Variants in MB21D2 observed in about 807,000 individuals in gnomAD.
The protein encoded by MB21D2 is nucleotidyltransferase MB21D2.
MB21D2 carries 9 observed loss-of-function variants against 33.3 expected under a neutral mutation model. The ratio of observed to expected loss-of-function variants is 0.27; its 90% CI spans 0.16 to 0.47. The LOEUF (loss-of-function observed/expected upper bound fraction) is 0.47, where lower values mean the gene tolerates loss of function less well. MB21D2 is among the 20% of genes least tolerant of loss of function. MB21D2 has a pLI of 0.99. For missense variants in MB21D2, 540 were observed against 624.6 expected, an observed-to-expected ratio of 0.86 and a Z score of 1.44; for synonymous variants, 241 against 236.3, an observed-to-expected ratio of 1.02 and a Z score of -0.18.
intron 1 of MB21D2, among the ~76,000 whole-genome samples, chr3:192,861,650 C>T (rs1043994062): frequency 2.6e-5 from 4 of 151,954 alleles, no homozygotes; most frequent in East Asian, 3.9e-4. Context: ...CTACTAAATA[C>T]GAAATTAGCC....
chr3:192,863,486 G>T (rs78697735), intron 1 of MB21D2, among the ~76,000 whole-genome samples: 1 of 152,306 alleles, frequency 6.6e-6, no homozygotes, highest in African/African-American at 2.4e-5. Flanking sequence ...AGCACATGGT[G>T]TAAGTTTAGT....
intron 1 of MB21D2, among the ~76,000 whole-genome samples, chr3:192,884,610 G>T (rs542213328): frequency 1.3e-5 from 2 of 151,958 alleles, no homozygotes; most frequent in Non-Finnish European, 1.5e-5. Context: ...CTCGTGATCT[G>T]CCCGCCTTGG....
At chr3:192,869,363 AAAGGAAGAAGGG>A (rs1404187862) in intron 1 of MB21D2, among the ~76,000 whole-genome samples, 1 of 151,362 alleles carries the variant, frequency 6.6e-6, no homozygotes, top group East Asian at 1.9e-4. Context: ...GGAAGGGAGG[AAAGGAAGAAGGG>A]AAGGAGAAGT....
At chr3:192,860,513 A>C (rs1283047969) in intron 1 of MB21D2, among the ~76,000 whole-genome samples, 1 of 152,240 alleles carries the variant, frequency 6.6e-6, no homozygotes, top group East Asian at 1.9e-4. Flanking sequence ...GCAATTTAAG[A>C]AAGCTGGCAC....
At chr3:192,874,482 G>A (rs115057359) in intron 1 of MB21D2, among the ~76,000 whole-genome samples, 290 of 152,226 alleles carry the variant, frequency 1.9e-3, no homozygotes, top group African/African-American at 6.4e-3. Flanking sequence ...TTACCTAAAC[G>A]ATGTCACTAA....
At chr3:192,894,013 G>T (rs929563985) in intron 1 of MB21D2, among the ~76,000 whole-genome samples, 4 of 152,036 alleles carry the variant, frequency 2.6e-5, no homozygotes, top group African/African-American at 9.7e-5. Flanking sequence ...CCAGCCTAGG[G>T]AACAGAGACA....
At chr3:192,890,318 A>C (rs1323485367) in intron 1 of MB21D2, among the ~76,000 whole-genome samples, 1 of 152,142 alleles carries the variant, frequency 6.6e-6, no homozygotes, top group Admixed American at 6.5e-5. Context: ...CATAAATAAA[A>C]AGACTAAGAA....
chr3:192,807,719 T>C (rs1711694363), intron 1 of MB21D2, among the ~76,000 whole-genome samples: 1 of 152,180 alleles, frequency 6.6e-6, no homozygotes, highest in Non-Finnish European at 1.5e-5. Flanking sequence ...ATTTTACTTA[T>C]TCACACAGTA....
At chr3:192,873,847 C>T (rs1190517820) in intron 1 of MB21D2, among the ~76,000 whole-genome samples, 2 of 152,192 alleles carry the variant, frequency 1.3e-5, no homozygotes, top group South Asian at 2.1e-4. Context: ...GGACTATAGG[C>T]GCACACCACC....
At chr3:192,894,195 C>A (rs567976578) in intron 1 of MB21D2, among the ~76,000 whole-genome samples, 2 of 151,992 alleles carry the variant, frequency 1.3e-5, no homozygotes, top group Non-Finnish European at 2.9e-5. Flanking sequence ...GTGGCGCAAT[C>A]TGGACTCAAA....
intron 1 of MB21D2, among the ~76,000 whole-genome samples, chr3:192,840,278 A>G (rs2108624937): frequency 1.3e-5 from 2 of 152,304 alleles, no homozygotes; most frequent in Admixed American, 1.3e-4. Flanking sequence ...AGAAACATAC[A>G]TATTACACAT....
chr3:192,882,290 G>T (rs764780782), intron 1 of MB21D2, among the ~76,000 whole-genome samples: 1 of 152,038 alleles, frequency 6.6e-6, no homozygotes, highest in African/African-American at 2.4e-5. Flanking sequence ...GGTTAGGCTG[G>T]TCTCGAACTC....
At chr3:192,869,169 T>C (rs1433934812) in intron 1 of MB21D2, among the ~76,000 whole-genome samples, 3 of 151,386 alleles carry the variant, frequency 2.0e-5, no homozygotes, top group Non-Finnish European at 4.4e-5. Context: ...GTCAGAAGAA[T>C]TGCTTGAGCC....
At chr3:192,863,922 C>A (rs144892510) in intron 1 of MB21D2, among the ~76,000 whole-genome samples, 2 of 152,212 alleles carry the variant, frequency 1.3e-5, no homozygotes, top group Non-Finnish European at 2.9e-5. Context: ...AAATTAATTT[C>A]TGTGGTTTAT....
chr3:192,805,652 C>T (rs1479738446), intron 1 of MB21D2, among the ~76,000 whole-genome samples: 1 of 152,130 alleles, frequency 6.6e-6, no homozygotes, highest in Non-Finnish European at 1.5e-5. Context: ...GGGCTTGGAT[C>T]CTGGGCTTGT....
chr3:192,917,657 C>T lies in MB21D2; in HGVS notation c.184G>A (p.Ala62Thr). 6.2e-7 allele frequency: 1 copy of T among 1,614,186 alleles called. No individual in the cohort carries two copies. The highest frequency in any genetic ancestry group is 8.5e-7 in the Non-Finnish European group (1 of 1,180,026). The change falls in exon 1 of 2, where the codon GCC (alanine) becomes ACC (threonine). Residue 62 changes from alanine (A) to threonine (T), a missense_variant. By Grantham distance (58) the Ala-to-Thr change is moderately conservative (BLOSUM62 0). Coordinates refer to ENST00000392452, the MANE Select transcript of MB21D2 (RefSeq NM_178496.4). ...AGCATGGAAAAGATGAAATCCTTGG[C>T]TGTGTGAATCTCCAGCGCTCTCTGG... ...DDQRALEIHT[A>T]KDFIFSMLGM...
intron 1 of MB21D2, among the ~76,000 whole-genome samples, chr3:192,908,795 C>T (rs1270050079): frequency 7.2e-5 from 11 of 151,956 alleles, no homozygotes; most frequent in Admixed American, 7.2e-4. Flanking sequence ...AAAAATAAAG[C>T]GGACATAAGG....
At chr3:192,807,140 C>T (rs989306173) in intron 1 of MB21D2, among the ~76,000 whole-genome samples, 9 of 152,054 alleles carry the variant, frequency 5.9e-5, no homozygotes, top group South Asian at 2.1e-4. Flanking sequence ...AAATAAATCC[C>T]GACCTTTCTT....
chr3:192,860,420 C>A (rs1174020282), intron 1 of MB21D2, among the ~76,000 whole-genome samples: 1 of 152,044 alleles, frequency 6.6e-6, no homozygotes. Context: ...GTTGCAAAGA[C>A]TGATCTGGGA....
Sources: gnomAD v4.1 joint callset for allele counts (sites outside exome capture counted in the v4.1 genomes callset) on GRCh38, gnomAD v4.1.1 for gene constraint, MANE v1.5 for transcripts, NCBI Gene and HGNC (gene_info 2026-07-23, HGNC 2026-07-21) for gene names.